Variants in KLHL21 observed in about 807,000 individuals in gnomAD.
KLHL21 encodes kelch-like protein 21.
A neutral mutation model predicts 44.1 loss-of-function variants in KLHL21; 42 were observed. The ratio of observed to expected loss-of-function variants is 0.95; its 90% CI spans 0.74 to 1.23. The LOEUF (loss-of-function observed/expected upper bound fraction) is 1.23, where lower values mean the gene tolerates loss of function less well. KLHL21 is among the 50% of genes most tolerant of loss of function. The pLI, the probability that KLHL21 is intolerant of heterozygous loss-of-function variation, is 0.00. For missense variants in KLHL21, 918 were observed against 889.1 expected (o/e 1.03, Z -0.41); for synonymous variants, 524 against 411.6 (o/e 1.27, Z -3.31).
Position 6,599,051 on chromosome 1 carries a change from C to CA in KLHL21, c.1422dup (p.Val475CysfsTer4). 6.3e-7 allele frequency: 1 copy of CA among 1,575,138 alleles called. No individual in the cohort carries two copies. Among genetic ancestry groups the CA allele is most frequent in the Non-Finnish European group, 8.6e-7 (1 of 1,158,134 alleles). ...GGCTCGGCACCTGGAACTCACCTGA[C>CA]AAAGTACATGAGTCCGTTTAGAGTC... On this transcript the variant is annotated frameshift_variant, in exon 2 of 4. Transcript: ENST00000377658. LOFTEE classifies it high-confidence loss of function.
chr1:6,602,692 C>G lies in KLHL21; in HGVS notation c.126G>C (p.Ala42=), dbSNP rs972131405. The G allele has an allele frequency of 6.6e-7, 1 of 1,513,572 alleles. No individual in the cohort carries two copies. Among genetic ancestry groups the G allele is most frequent in the Non-Finnish European group, 8.8e-7 (1 of 1,138,340 alleles). 93.8% of individuals were successfully genotyped at this position (1,513,572 alleles called of 1,614,324 possible). ...RKFLDVTLEA[A]GGRDFPAHRA... ...GGTGCGCCGGGAAGTCGCGCCCGCC[C>G]GCCGCCTCCAGGGTCACGTCCAGGA... The change falls in exon 1 of 4, where the codon GCG becomes GCC. Residue 42 remains alanine, a synonymous_variant. Coordinates refer to ENST00000377658, the MANE Select transcript of KLHL21 (RefSeq NM_014851.4).
intron 1 of KLHL21, 107 bp downstream of exon 1, chr1:6,601,690 T>A (rs1278134016): frequency 4.9e-6 from 7 of 1,436,886 alleles, no homozygotes; most frequent in Non-Finnish European, 5.5e-6. Flanking sequence ...TGGACTCAGG[T>A]GCGCCCCTAG....
At chr1:6,601,683 A>T in intron 1 of KLHL21, 114 bp downstream of exon 1, 5 of 1,418,838 alleles carry the variant, frequency 3.5e-6, no homozygotes, top group Non-Finnish European at 4.6e-6. Flanking sequence ...CCCAGCTTGG[A>T]CTCAGGTGCG....
Position 6,593,254 on chromosome 1 carries a change from G to T in KLHL21, c.*111C>A. On this transcript the variant is annotated 3_prime_UTR_variant, in exon 4 of 4. Coordinates refer to ENST00000377658, the MANE Select transcript of KLHL21 (RefSeq NM_014851.4). ...CCTGGGCTGGCTTCGCCACCCAAGA[G>T]CCTGTGCTCCTCCTGTGAGCCCAAC... The T allele has an allele frequency of 1.6e-6, 2 of 1,214,214 alleles. No homozygotes were observed. Among genetic ancestry groups the T allele is most frequent in the East Asian group, 2.4e-5 (1 of 41,584 alleles). 75.2% of individuals were successfully genotyped at this position (1,214,214 alleles called of 1,614,324 possible).
At chr1:6,597,408 T>C (rs561898745) in intron 2 of KLHL21, among the ~76,000 whole-genome samples, 5 of 152,164 alleles carry the variant, frequency 3.3e-5, no homozygotes, top group South Asian at 2.1e-4. Context: ...CTCTGATAAG[T>C]TGTATTTATA....
chr1:6,602,592 G>A lies in KLHL21; in HGVS notation c.226C>T (p.Arg76Trp), dbSNP rs760499587. The change falls in exon 1 of 4, where the codon CGG becomes TGG. Residue 76 changes from arginine to tryptophan, a missense_variant. Transcript: ENST00000377658. ...GGAGGCACTCCGTGCAGGCGCACCC[G>A]CTCGGCGCGGCTCTCGCGCAGCTGC... is the stretch of plus-strand genomic sequence containing the variant. ...AGQLRESRAERVRLHGVPPDM... is the reference protein window; with the variant it reads ...AGQLRESRAEWVRLHGVPPDM... 2 of 1,526,758 alleles carry A rather than the reference G, an allele frequency of 1.3e-6. No individual in the cohort carries two copies. The highest frequency in any genetic ancestry group is 1.8e-6 in the Non-Finnish European group (2 of 1,142,028). The allele number at this position is 1,526,758 out of a possible 1,614,324, so 94.6% of individuals were successfully genotyped here.
intron 2 of KLHL21, among the ~76,000 whole-genome samples, chr1:6,596,407 G>A (rs749868435): frequency 1.1e-4 from 17 of 152,202 alleles, no homozygotes; most frequent in Non-Finnish European, 2.1e-4. Context: ...CTCCAGCCTG[G>A]GAGGCATAGT....
Position 6,601,870 on chromosome 1 carries a change from G to A in KLHL21, c.948C>T (p.Tyr316=), listed in dbSNP as rs1436907982. The A allele has an allele frequency of 6.3e-7, 1 of 1,575,912 alleles. No homozygotes were observed. Among genetic ancestry groups the A allele is most frequent in the Non-Finnish European group, 8.6e-7 (1 of 1,161,700 alleles). Residue 316 remains tyrosine, a synonymous_variant, in exon 1 of 4, where the codon TAC becomes TAT. Transcript: ENST00000377658. ...CCAGGTGGTCTGGGAACTCGGCCAG[G>A]TAGCGCCACTGACCCGTCTGCGGGT... ...CYNPQTGQWR[Y]LAEFPDHLGG... is the part of the protein sequence containing the mutation.
At position 6,602,587 on chromosome 1, in the gene KLHL21, C is replaced by T; in HGVS notation, c.231G>A (p.Val77=). The T allele has an allele frequency of 6.5e-7, 1 of 1,529,526 alleles. No individual in the cohort carries two copies. Among genetic ancestry groups the T allele is most frequent in the Non-Finnish European group, 8.7e-7 (1 of 1,143,164 alleles). 94.7% of individuals were successfully genotyped at this position (1,529,526 alleles called of 1,614,324 possible). Residue 77 remains valine (V), a synonymous_variant, in exon 1 of 4, where the codon GTG becomes GTA. Coordinates refer to ENST00000377658, the MANE Select transcript of KLHL21 (RefSeq NM_014851.4). Reference sequence around the variant, plus strand: ...TGTCGGGAGGCACTCCGTGCAGGCGCACCCGCTCGGCGCGGCTCTCGCGCA... The same window carrying T: ...TGTCGGGAGGCACTCCGTGCAGGCGTACCCGCTCGGCGCGGCTCTCGCGCA... The part of the protein sequence containing the change: ...GQLRESRAER[V]RLHGVPPDML...
At position 6,593,914 on chromosome 1, in the gene KLHL21, G is replaced by A. The variant is rs567534271; in HGVS notation, c.1501-256C>T. Reference sequence around the variant, plus strand: ...CGCCAGGCCTCCCCGTGTGCAGGTCGTGCCGAGCAGCGCTTCCTACGTTCT... The same window carrying A: ...CGCCAGGCCTCCCCGTGTGCAGGTCATGCCGAGCAGCGCTTCCTACGTTCT... On this transcript the variant is annotated intron_variant, in intron 3 of 3. Coordinates refer to ENST00000377658, the MANE Select transcript of KLHL21 (RefSeq NM_014851.4). 3.2e-4 allele frequency: 413 copies of A among 1,278,726 alleles called. No homozygotes were observed. The African/African-American group carries it at 4.0e-3, about 12-fold the overall frequency. The allele number at this position is 1,278,726 out of a possible 1,614,324, so 79.2% of individuals were successfully genotyped here.
intron 3 of KLHL21, chr1:6,595,110 T>C (rs2148701317): frequency 4.1e-6 from 2 of 483,852 alleles, no homozygotes; most frequent in Non-Finnish European, 3.6e-6. Flanking sequence ...TCCGGCCACA[T>C]GGGCTGCTGG....
At chr1:6,596,954 G>A (rs1431228085) in intron 2 of KLHL21, among the ~76,000 whole-genome samples, 2 of 152,254 alleles carry the variant, frequency 1.3e-5, no homozygotes, top group Non-Finnish European at 2.9e-5. Context: ...TGGGCAGAGG[G>A]TTATGTGGCT....
chr1:6,595,293 T>G, intron 3 of KLHL21, 192 bp downstream of exon 3: 3 of 672,398 alleles, frequency 4.5e-6, no homozygotes, highest in Non-Finnish European at 8.3e-6. Context: ...AGCTGTGTAA[T>G]CATAGGGTAT....
chr1:6,595,380 C>G, intron 3 of KLHL21, 105 bp downstream of exon 3: 1 of 1,014,894 alleles, frequency 9.9e-7, no homozygotes. Context: ...TGAGATGAGA[C>G]CCACCCATCA....
chr1:6,596,582 C>G (rs1640930680), intron 2 of KLHL21, among the ~76,000 whole-genome samples: 2 of 152,248 alleles, frequency 1.3e-5, no homozygotes, highest in South Asian at 4.1e-4. Context: ...ACATTTACAT[C>G]TCGTCTAACT....
Position 6,591,208 on chromosome 1 carries a change from A to T in KLHL21, c.*2157T>A. 2.6e-6 allele frequency: 1 copy of T among 388,848 alleles called. No individual in the cohort carries two copies. The highest frequency in any genetic ancestry group is 4.5e-6 in the Non-Finnish European group (1 of 220,150). The allele number at this position is 388,848 out of a possible 1,614,324, so 24.1% of individuals were successfully genotyped here. ...GAGGCTGGTGCCTGGTTTTCCCCAT[A>T]CTTGGTCTTCTAAACCCAAAGACAG... On this transcript the variant is annotated 3_prime_UTR_variant, in exon 4 of 4. Transcript: ENST00000377658.
intron 2 of KLHL21, among the ~76,000 whole-genome samples, chr1:6,596,747 A>G (rs1360684226): frequency 1.3e-5 from 2 of 152,144 alleles, no homozygotes; most frequent in Non-Finnish European, 2.9e-5. Flanking sequence ...CTTGCAAACC[A>G]CAGCCCAGAG....
At chr1:6,601,524 A>C (rs964716544) in intron 1 of KLHL21, among the ~76,000 whole-genome samples, 6 of 152,164 alleles carry the variant, frequency 3.9e-5, no homozygotes, top group Non-Finnish European at 8.8e-5. Context: ...CCAAGTGGGG[A>C]GGCACCTCCT....
In KLHL21 at chr1:6,593,469, G is replaced by A. The variant is rs144750469; in HGVS notation, c.1690C>T (p.Pro564Ser). ...GSVSIFRQFM[P>S]QTFSGGRGFE... The stretch of plus-strand genomic sequence containing the variant: ...CCACGCCCACCCGAGAAGGTCTGGG[G>A]CATGAACTGGCGGAAGATGCTGACA... The change falls in exon 4 of 4, where the codon CCC (proline) becomes TCC (serine). Residue 564 changes from proline (P) to serine (S), a missense_variant. Coordinates refer to ENST00000377658, the MANE Select transcript of KLHL21 (RefSeq NM_014851.4). 6.2e-6 allele frequency: 10 copies of A among 1,613,680 alleles called. No individual in the cohort carries two copies. In the African/African-American group the frequency reaches 1.1e-4, roughly 17 times the overall value.
Sources: gnomAD v4.1 joint callset for allele counts (sites outside exome capture counted in the v4.1 genomes callset) on GRCh38, gnomAD v4.1.1 for gene constraint, MANE v1.5 for transcripts, NCBI Gene and HGNC (gene_info 2026-07-23, HGNC 2026-07-21) for gene names.